MICAL2: variants seen among roughly 807,000 people sequenced by gnomAD.
MICAL2 encodes the protein [F-actin]-monooxygenase MICAL2.
In MICAL2, 77 loss-of-function variants were observed where a neutral mutation model predicts 127.3. The observed-to-expected ratio is 0.60, with a 90% CI of 0.50 to 0.73. The LOEUF (loss-of-function observed/expected upper bound fraction) is 0.73. MICAL2 is among the 30% of genes least tolerant of loss of function. The pLI is 0.00. For missense variants in MICAL2, 1,351 were observed against 1,434.4 expected, an observed-to-expected ratio of 0.94 and a Z score of 0.94; for synonymous variants, 570 against 551.1, an observed-to-expected ratio of 1.03 and a Z score of -0.48.
At chr11:12,217,084 T>A (rs1856261682) in intron 8 of MICAL2, among the ~76,000 whole-genome samples, 1 of 152,138 alleles carries the variant, frequency 6.6e-6, no homozygotes, top group Non-Finnish European at 1.5e-5. Context: ...CATGGAGTAG[T>A]GGCCCCTGAC....
At chr11:12,355,405 G>C (rs1373865962) in intron 34 of MICAL2, among the ~76,000 whole-genome samples, 1 of 152,200 alleles carries the variant, frequency 6.6e-6, no homozygotes, top group Non-Finnish European at 1.5e-5. Context: ...AGCAAGGAGA[G>C]TAGAGATAAA....
rs184733146 is a variant in MICAL2, at chr11:12,129,875, T to G, written c.-148-8515T>G. ...GGTGCACGCCACCATGCCTGGCTAA[T>G]TTTTTCTTTTGTTTTTAGTTGAGAC... On this transcript the variant is annotated intron_variant, in intron 1 of 27. Coordinates refer to ENST00000683283, the MANE Select transcript of MICAL2 (RefSeq NM_001282663.2). Among the ~76,000 whole-genome samples the G allele has an allele frequency of 3.3e-5, 5 of 152,150 alleles. No individual in the cohort carries two copies. The East Asian group carries it at 9.7e-4, about 29-fold the overall frequency.
chr11:12,264,208 A>T (rs1863498163), downstream of MICAL2, among the ~76,000 whole-genome samples: 1 of 152,168 alleles, frequency 6.6e-6, no homozygotes. Context: ...GTTGGTCTGG[A>T]ACACTTCACG....
chr11:12,173,203 C>G (rs1409006956), intron 3 of MICAL2, among the ~76,000 whole-genome samples: 1 of 152,186 alleles, frequency 6.6e-6, no homozygotes, highest in Non-Finnish European at 1.5e-5. Context: ...CTCCTGCTAT[C>G]GGTCTTACAG....
At chr11:12,188,771 A>G (rs1437513159) in intron 3 of MICAL2, among the ~76,000 whole-genome samples, 2 of 152,152 alleles carry the variant, frequency 1.3e-5, no homozygotes, top group East Asian at 1.9e-4. Context: ...AATGGACGCA[A>G]TGATACCTAC....
Position 12,213,239 on chromosome 11 carries a change from A to T in MICAL2, c.692-16A>T, listed in dbSNP as rs1475272405. On this transcript the variant is annotated splice_polypyrimidine_tract_variant and intron_variant, in intron 6 of 27. Transcript: ENST00000683283. Reference sequence around the variant, plus strand: ...ATCCAGAAGATAGACCCACTTTTTCATTTCTCCTCATGCAGGGTTCAGAAG... The same window carrying T: ...ATCCAGAAGATAGACCCACTTTTTCTTTTCTCCTCATGCAGGGTTCAGAAG... The T allele has an allele frequency of 1.1e-5, 18 of 1,580,948 alleles. No homozygotes were observed. In the Admixed American group the frequency reaches 1.8e-4, roughly 16 times the overall value.
intron 20 of MICAL2, 95 bp downstream of exon 20, chr11:12,242,867 T>C (rs1000919388): frequency 2.3e-6 from 2 of 853,924 alleles, no homozygotes; most frequent in East Asian, 2.9e-5. Flanking sequence ...TTCTCCTCCT[T>C]CCTCCTTTTA....
At chr11:12,124,702 ATTCCAGTGTTGG>A in intron 1 of MICAL2, among the ~76,000 whole-genome samples, 1 of 152,266 alleles carries the variant, frequency 6.6e-6, no homozygotes, top group South Asian at 2.1e-4. Context: ...TCTACTCTTC[ATTCCAGTGTTGG>A]TTCTTTGCTC....
downstream of MICAL2, chr11:12,294,368 A>C (rs1493954): frequency 6.2e-7 from 1 of 1,614,004 alleles, no homozygotes; most frequent in Non-Finnish European, 8.5e-7. Context: ...TCGCTCATTC[A>C]GCCTTCGGAA....
chr11:12,158,419 A>G (rs1854420734), intron 2 of MICAL2, among the ~76,000 whole-genome samples: 1 of 152,098 alleles, frequency 6.6e-6, no homozygotes, highest in Admixed American at 6.5e-5. Context: ...TTAGAGCCCC[A>G]TGAAGTGAGG....
chr11:12,314,532 G>A (rs918848454), intron 29 of MICAL2, among the ~76,000 whole-genome samples: 17 of 151,874 alleles, frequency 1.1e-4, no homozygotes, highest in Admixed American at 1.1e-3. Context: ...AGGCTGGAGT[G>A]CAGTGGCGCG....
intron 34 of MICAL2, among the ~76,000 whole-genome samples, chr11:12,357,521 G>A (rs1939146309): frequency 6.6e-6 from 1 of 152,140 alleles, no homozygotes; most frequent in Non-Finnish European, 1.5e-5. Flanking sequence ...TAAACAAAAG[G>A]CTAGTTTGTC....
At position 12,116,409 on chromosome 11, in the gene MICAL2, C is replaced by T. The variant is rs190780476; in HGVS notation, c.-149+5683C>T. ...GGAAGGTTGAGCCCTCAGGGGAAGA[C>T]AAAATGACACAGAGTGCTAAGACAA... On this transcript the variant is annotated intron_variant, in intron 1 of 27. Transcript: ENST00000683283. Among the ~76,000 whole-genome samples, 51 of 126,944 alleles carry T rather than the reference C, an allele frequency of 4.0e-4. No individual in the cohort carries two copies. The East Asian group carries it at 7.2e-3, about 18-fold the overall frequency. The allele number at this position is 126,944 out of a possible 152,430, so 83.3% of individuals were successfully genotyped here. A position where few individuals can be genotyped will look rare whatever the true frequency, so the allele number is the denominator to read the frequency against.
intron 24 of MICAL2, among the ~76,000 whole-genome samples, chr11:12,257,566 A>T (rs1862489911): frequency 6.6e-6 from 1 of 152,138 alleles, no homozygotes; most frequent in African/African-American, 2.4e-5. Context: ...CCCTCAAATT[A>T]AACTGCCTGG....
At chr11:12,332,288 C>T (rs993114797) in intron 32 of MICAL2, among the ~76,000 whole-genome samples, 4 of 152,206 alleles carry the variant, frequency 2.6e-5, no homozygotes, top group Non-Finnish European at 5.9e-5. Flanking sequence ...TTAGACATGG[C>T]TGGTTGCTGT....
chr11:12,212,257 C>T (rs1165039748), intron 6 of MICAL2, among the ~76,000 whole-genome samples: 3 of 152,156 alleles, frequency 2.0e-5, no homozygotes, highest in Admixed American at 1.3e-4. Context: ...TCATTGAAAA[C>T]AAGAATTAGA....
chr11:12,189,984 C>A (rs137961379), intron 3 of MICAL2, among the ~76,000 whole-genome samples: 147 of 152,308 alleles, frequency 9.7e-4, no homozygotes, highest in Admixed American at 1.8e-3. Flanking sequence ...GGATTGGAGC[C>A]TCCCGATGTC....
intron 1 of MICAL2, among the ~76,000 whole-genome samples, chr11:12,132,883 C>T (rs1851536555): frequency 6.6e-6 from 1 of 152,220 alleles, no homozygotes; most frequent in Non-Finnish European, 1.5e-5. Flanking sequence ...TTACTCCTTA[C>T]TCCACTGGTT....
At chr11:12,319,786 A>G (rs1034192864) in exon 30 of MICAL2, 1 of 1,614,034 alleles carries the variant, frequency 6.2e-7, no homozygotes, top group East Asian at 2.2e-5. Context: ...GAAGAATTTG[A>G]TCCCCAGCTT....
Sources: gnomAD v4.1 joint callset for allele counts (sites outside exome capture counted in the v4.1 genomes callset) on GRCh38, gnomAD v4.1.1 for gene constraint, MANE v1.5 for transcripts, NCBI Gene and HGNC (gene_info 2026-07-23, HGNC 2026-07-21) for gene names.